Variants in DLC1 observed in about 807,000 individuals in gnomAD.
The protein encoded by DLC1 is DLC1 Rho GTPase activating protein.
In DLC1, 54 loss-of-function variants were observed where a neutral mutation model predicts 140.3. The ratio of observed to expected loss-of-function variants is 0.38; its 90% CI spans 0.31 to 0.48. DLC1 has a LOEUF of 0.48. Ranked by LOEUF, DLC1 falls within the 20% of genes least tolerant of loss-of-function variation. The probability of loss-of-function intolerance (pLI) is 0.96; values close to 1 mark genes in which losing one functional copy is unlikely to be tolerated. For synonymous variants in DLC1, 986 were observed against 728.1 expected (o/e 1.35, Z -5.70); for missense variants, 2,536 against 1,907.0 (o/e 1.33, Z -6.14).
At chr8:13,224,743 T>G (rs1206893628) in intron 5 of DLC1, among the ~76,000 whole-genome samples, 6 of 152,218 alleles carry the variant, frequency 3.9e-5, no homozygotes, top group Non-Finnish European at 7.3e-5. Flanking sequence ...CAGGAAGGGC[T>G]AGATATGGAC....
chr8:13,435,764 T>C (rs528923017), intron 2 of DLC1, among the ~76,000 whole-genome samples: 1 of 152,328 alleles, frequency 6.6e-6, no homozygotes, highest in South Asian at 2.1e-4. Context: ...GAATTGACTG[T>C]AATTCTGAAA....
At chr8:13,345,803 C>T (rs1277413202) in intron 4 of DLC1, among the ~76,000 whole-genome samples, 1 of 152,132 alleles carries the variant, frequency 6.6e-6, no homozygotes. Context: ...AAGTGATCCA[C>T]TCTCTGTGGC....
Position 13,092,596 on chromosome 8 carries a change from C to A in DLC1, c.3740+16G>T, listed in dbSNP as rs372133295. The A allele has an allele frequency of 5.0e-6, 8 of 1,612,560 alleles. No homozygotes were observed. The African/African-American group carries it at 9.3e-5, about 19-fold the overall frequency. Reference sequence around the variant, plus strand: ...GGCTGCCCCCTGTGTGCATGCACCTCCCATGCAGCCCGTACCTGGGAGAGG... The same window carrying A: ...GGCTGCCCCCTGTGTGCATGCACCTACCATGCAGCCCGTACCTGGGAGAGG... On this transcript the variant is annotated intron_variant, in intron 13 of 17. Coordinates refer to ENST00000276297, the MANE Select transcript of DLC1 (RefSeq NM_182643.3).
At chr8:13,557,901 A>T (rs1563439512) in intron 1 of DLC1, 4 of 152,366 alleles carry the variant, frequency 2.6e-5, no homozygotes, top group African/African-American at 9.6e-5. Context: ...AACTCGGGGC[A>T]TACACACAAA....
chr8:13,389,428 A>T (rs765008309), intron 4 of DLC1, among the ~76,000 whole-genome samples: 1 of 152,120 alleles, frequency 6.6e-6, no homozygotes, highest in Non-Finnish European at 1.5e-5. Flanking sequence ...AGAGTCTAGT[A>T]CGAAAGGCAT....
intron 5 of DLC1, among the ~76,000 whole-genome samples, chr8:13,272,948 T>C (rs1460846618): frequency 2.0e-5 from 3 of 152,256 alleles, no homozygotes; most frequent in Non-Finnish European, 4.4e-5. Context: ...AAAGGCATTA[T>C]CCTTTTATGT....
intron 2 of DLC1, among the ~76,000 whole-genome samples, chr8:13,456,686 T>C (rs1246712877): frequency 2.0e-5 from 3 of 152,186 alleles, no homozygotes; most frequent in African/African-American, 4.8e-5. Flanking sequence ...TTTGAACTCC[T>C]GACTTCAAAT....
Position 13,419,459 on chromosome 8 carries a change from A to C in DLC1, c.1024-17840T>G, listed in dbSNP as rs1396746303. Reference sequence around the variant, plus strand: ...ATTTTGTCAAAGGCCTTTTCTGCATATGTTGAGATAATCATGTGGTTTTTG... The same window carrying C: ...ATTTTGTCAAAGGCCTTTTCTGCATCTGTTGAGATAATCATGTGGTTTTTG... On this transcript the variant is annotated intron_variant, in intron 2 of 17. Transcript: ENST00000276297. Among the ~76,000 whole-genome samples, 10 of 152,214 alleles carry C rather than the reference A, an allele frequency of 6.6e-5. No homozygotes were observed. The East Asian group carries it at 7.8e-4, about 12-fold the overall frequency.
chr8:13,463,879 A>T (rs913603783), intron 2 of DLC1, among the ~76,000 whole-genome samples: 1 of 152,222 alleles, frequency 6.6e-6, no homozygotes, highest in African/African-American at 2.4e-5. Flanking sequence ...AAGAGCTCAG[A>T]AAGAGCCAGA....
chr8:13,396,951 C>A (rs1837070442), intron 3 of DLC1, among the ~76,000 whole-genome samples: 1 of 149,456 alleles, frequency 6.7e-6, no homozygotes, highest in South Asian at 2.1e-4. Context: ...CCCCCCCCAA[C>A]CCAACTTGCT....
At chr8:13,491,594 T>C (rs900297131) in intron 2 of DLC1, among the ~76,000 whole-genome samples, 2 of 152,214 alleles carry the variant, frequency 1.3e-5, no homozygotes, top group African/African-American at 2.4e-5. Flanking sequence ...GGGATAACAT[T>C]TACTACTCAT....
Position 13,393,659 on chromosome 8 carries a change from G to A in DLC1, c.1208C>T (p.Thr403Ile), listed in dbSNP as rs757881147. The A allele has an allele frequency of 6.2e-7, 1 of 1,614,050 alleles. No homozygotes were observed. The highest frequency in any genetic ancestry group is 1.1e-5 in the South Asian group (1 of 91,074). Residue 403 changes from threonine (T) to isoleucine (I), a missense_variant, in exon 4 of 18, where the codon ACC becomes ATC. Thr to Ile is a moderately conservative substitution (Grantham distance 89, BLOSUM62 -1). Coordinates refer to ENST00000276297, the MANE Select transcript of DLC1 (RefSeq NM_182643.3). The stretch of plus-strand genomic sequence containing the variant: ...TACTCGTGTCTGATTTACTGAAATG[G>A]TATCTGCTCCACTTTCAGATCCTGA... ...LESGSESGAD[T>I]ISVNQTRVNL...
At chr8:13,369,667 G>C (rs555967149) in intron 4 of DLC1, among the ~76,000 whole-genome samples, 19 of 152,098 alleles carry the variant, frequency 1.2e-4, no homozygotes, top group African/African-American at 4.3e-4. Flanking sequence ...TCTAGAATAA[G>C]AACAATTTTA....
chr8:13,392,572 C>T (rs1039555737), intron 4 of DLC1, among the ~76,000 whole-genome samples: 5 of 152,054 alleles, frequency 3.3e-5, no homozygotes, highest in Non-Finnish European at 5.9e-5. Flanking sequence ...AAACTTGTTT[C>T]TTTGTGTTGC....
intron 4 of DLC1, among the ~76,000 whole-genome samples, chr8:13,334,096 A>G (rs1833718428): frequency 6.6e-6 from 1 of 152,180 alleles, no homozygotes; most frequent in Admixed American, 6.5e-5. Context: ...GGATGCTTGG[A>G]GAGGGGGTGA....
At chr8:13,121,054 A>G (rs1821015551) in intron 5 of DLC1, among the ~76,000 whole-genome samples, 1 of 152,228 alleles carries the variant, frequency 6.6e-6, no homozygotes, top group African/African-American at 2.4e-5. Flanking sequence ...ATATGCCACC[A>G]AAATCAGGCT....
At position 13,260,604 on chromosome 8, in the gene DLC1, G is replaced by A. The variant is rs117352571; in HGVS notation, c.1348+44665C>T. Among the ~76,000 whole-genome samples the A allele has an allele frequency of 2.7e-3, 407 of 152,304 alleles. 1 individual carries two copies. Among genetic ancestry groups the A allele is most frequent in the Non-Finnish European group, 4.6e-3 (312 of 68,032 alleles). ...AAATATAGAAATAGAGTTTAAAGGT[G>A]AGGATAGGACAAGATAGGAGGAAAG... On this transcript the variant is annotated intron_variant, in intron 5 of 17. Coordinates refer to ENST00000276297, the MANE Select transcript of DLC1 (RefSeq NM_182643.3).
chr8:13,093,795 G>C (rs1305785538), intron 12 of DLC1, among the ~76,000 whole-genome samples: 16 of 152,192 alleles, frequency 1.1e-4, no homozygotes, highest in Admixed American at 9.2e-4. Context: ...CAATCCTAGA[G>C]ACAATTTGAG....
At chr8:13,578,938 AG>A (rs1164231548) in intron 1 of DLC1, among the ~76,000 whole-genome samples, 1 of 151,686 alleles carries the variant, frequency 6.6e-6, no homozygotes, top group African/African-American at 2.4e-5. Context: ...CCAGAGGTTG[AG>A]GGGGTGGGGC....
Sources: gnomAD v4.1 joint callset for allele counts (sites outside exome capture counted in the v4.1 genomes callset) on GRCh38, gnomAD v4.1.1 for gene constraint, MANE v1.5 for transcripts, NCBI Gene and HGNC (gene_info 2026-07-23, HGNC 2026-07-21) for gene names.